Variants in MVB12B observed in about 807,000 individuals in gnomAD.
MVB12B encodes ESCRT-I complex subunit MVB12B.
A neutral mutation model predicts 41.6 loss-of-function variants in MVB12B; 16 were observed. That is an observed-to-expected ratio of 0.38 (90% confidence interval 0.26 to 0.58). MVB12B has a LOEUF of 0.58. MVB12B is among the 20% of genes least tolerant of loss of function. The pLI is 0.62. For synonymous variants in MVB12B, 133 were observed against 139.7 expected, an observed-to-expected ratio of 0.95 and a Z score of 0.34; for missense variants, 274 against 380.2, an observed-to-expected ratio of 0.72 and a Z score of 2.32.
chr9:126,384,871 C>G (rs965830536), intron 3 of MVB12B, among the ~76,000 whole-genome samples: 1 of 135,132 alleles, frequency 7.4e-6, no homozygotes, highest in Admixed American at 8.3e-5. Context: ...GAGTCTCACT[C>G]TATTGCCCAG....
intron 7 of MVB12B, among the ~76,000 whole-genome samples, chr9:126,437,990 A>T (rs1832532150): frequency 3.3e-5 from 5 of 152,324 alleles, no homozygotes; most frequent in Non-Finnish European, 7.4e-5. Flanking sequence ...GCATTTTGTG[A>T]TTTGACAGAG....
chr9:126,384,958 T>C (rs1830738543), intron 3 of MVB12B, among the ~76,000 whole-genome samples: 1 of 151,278 alleles, frequency 6.6e-6, no homozygotes. Context: ...TACTTCAGCT[T>C]CCTGAGTAGC....
chr9:126,359,794 T>C (rs1829980284), intron 2 of MVB12B, among the ~76,000 whole-genome samples: 1 of 152,166 alleles, frequency 6.6e-6, no homozygotes. Flanking sequence ...TTGCTCAGGC[T>C]GCCATCCTGG....
At chr9:126,400,142 G>A (rs1831229863) in intron 6 of MVB12B, among the ~76,000 whole-genome samples, 1 of 152,226 alleles carries the variant, frequency 6.6e-6, no homozygotes, top group South Asian at 2.1e-4. Flanking sequence ...CCAGTGTCAA[G>A]TTTGAGGAAT....
At chr9:126,342,241 G>T (rs115147552) in intron 2 of MVB12B, among the ~76,000 whole-genome samples, 1 of 152,256 alleles carries the variant, frequency 6.6e-6, no homozygotes, top group African/African-American at 2.4e-5. Context: ...CTCAGGGGTC[G>T]CTCTCCTAGG....
intron 3 of MVB12B, among the ~76,000 whole-genome samples, chr9:126,385,129 G>A (rs1348591384): frequency 6.6e-6 from 1 of 152,078 alleles, no homozygotes; most frequent in Non-Finnish European, 1.5e-5. Flanking sequence ...GAGCAACAGC[G>A]CCCGGCCTCC....
chr9:126,450,512 TC>T (rs1832869924), intron 7 of MVB12B, among the ~76,000 whole-genome samples: 1 of 152,148 alleles, frequency 6.6e-6, no homozygotes, highest in Non-Finnish European at 1.5e-5. Context: ...CCCTGCTCCA[TC>T]CCCATGTGAG....
intron 4 of MVB12B, among the ~76,000 whole-genome samples, chr9:126,390,646 A>G (rs545326105): frequency 1.4e-4 from 22 of 152,212 alleles, no homozygotes; most frequent in Non-Finnish European, 3.1e-4. Flanking sequence ...TTTTTTACAT[A>G]TAGAAGGATT....
At chr9:126,394,387 GA>G in intron 5 of MVB12B, among the ~76,000 whole-genome samples, 1 of 152,238 alleles carries the variant, frequency 6.6e-6, no homozygotes, top group South Asian at 2.1e-4. Context: ...TATGTACCTT[GA>G]TAAAACCAAA....
intron 1 of MVB12B, among the ~76,000 whole-genome samples, chr9:126,330,165 G>T (rs1006005395): frequency 6.6e-6 from 1 of 152,134 alleles, no homozygotes; most frequent in African/African-American, 2.4e-5. Flanking sequence ...GCTTGTCCAG[G>T]CAGAAATGTG....
At chr9:126,502,796 G>C (rs1588218844) in intron 9 of MVB12B, among the ~76,000 whole-genome samples, 1 of 152,214 alleles carries the variant, frequency 6.6e-6, no homozygotes, top group African/African-American at 2.4e-5. Flanking sequence ...ACCCTCACCA[G>C]CAGGGGCATG....
At chr9:126,336,358 G>T (rs988806434) in intron 1 of MVB12B, among the ~76,000 whole-genome samples, 1 of 152,210 alleles carries the variant, frequency 6.6e-6, no homozygotes, top group African/African-American at 2.4e-5. Flanking sequence ...CTTTGATTCC[G>T]AAACAATGTT....
At chr9:126,353,640 GC>G (rs1243134896) in intron 2 of MVB12B, among the ~76,000 whole-genome samples, 1 of 152,192 alleles carries the variant, frequency 6.6e-6, no homozygotes, top group Non-Finnish European at 1.5e-5. Flanking sequence ...GTATTCTTAT[GC>G]AGTACATAGT....
intron 9 of MVB12B, among the ~76,000 whole-genome samples, chr9:126,492,858 A>T (rs1478469215): frequency 1.3e-5 from 2 of 152,108 alleles, no homozygotes; most frequent in Admixed American, 6.5e-5. Context: ...AACAAAAAAC[A>T]ATTTGGCCAC....
chr9:126,365,220 A>ATTTTTT (rs71377933), intron 2 of MVB12B, among the ~76,000 whole-genome samples: 6 of 122,626 alleles, frequency 4.9e-5, no homozygotes, highest in African/African-American at 1.6e-4. Context: ...CACCCAGCTA[A>ATTTTTT]TTTTTTTTTT....
At chr9:126,470,198 T>C (rs890795150) in intron 7 of MVB12B, among the ~76,000 whole-genome samples, 1 of 152,082 alleles carries the variant, frequency 6.6e-6, no homozygotes, top group African/African-American at 2.4e-5. Flanking sequence ...ACCCAGGGGC[T>C]GTGAGTCCCA....
At chr9:126,360,447 C>T (rs941101365) in intron 2 of MVB12B, among the ~76,000 whole-genome samples, 1 of 152,186 alleles carries the variant, frequency 6.6e-6, no homozygotes, top group Admixed American at 6.5e-5. Flanking sequence ...AAACAGGCTA[C>T]AGGCTGGATT....
At chr9:126,494,868 A>ACCCC (rs61435398) in intron 9 of MVB12B, among the ~76,000 whole-genome samples, 8 of 127,572 alleles carry the variant, frequency 6.3e-5, no homozygotes, top group South Asian at 2.4e-4. Context: ...GGAGCACCCC[A>ACCCC]CCCCCCCCCA....
rs191442026 is a variant in MVB12B, at chr9:126,345,219, A to C, written c.204+4589A>C. ...GCTGTTGGCTGCCTTCATCTTGCCT[A>C]CCTCAGAAAAGCATTGAGAGCTGCC... On this transcript the variant is annotated intron_variant, in intron 2 of 9. Transcript: ENST00000361171. Among the ~76,000 whole-genome samples the C allele has an allele frequency of 8.8e-3, 1,345 of 152,234 alleles. 14 individuals are homozygous for C. The highest frequency in any genetic ancestry group is 0.031 in the African/African-American group (1,271 of 41,536).
Sources: allele counts gnomAD v4.1 joint callset (sites outside exome capture counted in the v4.1 genomes callset), GRCh38; gene constraint gnomAD v4.1.1; transcripts MANE v1.5; gene names NCBI Gene and HGNC (gene_info 2026-07-23, HGNC 2026-07-21).